The following BICD1 variants were observed in gnomAD, a reference collection of about 807,000 sequenced individuals.
The protein encoded by BICD1 is BICD cargo adaptor 1, also known as protein bicaudal D homolog 1.
In BICD1, 35 loss-of-function variants were observed where a neutral mutation model predicts 92.5. That is an observed-to-expected ratio of 0.38 (90% CI 0.29 to 0.50). The LOEUF is 0.50. BICD1 is among the 20% of genes least tolerant of loss of function. The pLI is 0.93. For synonymous variants in BICD1, 429 were observed against 465.1 expected (o/e 0.92, Z 1.00); for missense variants, 950 against 1,189.8 (o/e 0.80, Z 2.97).
chr12:32,244,496 T>G (rs1946319874), intron 2 of BICD1, among the ~76,000 whole-genome samples: 1 of 152,170 alleles, frequency 6.6e-6, no homozygotes, highest in South Asian at 2.1e-4. Context: ...TGGAGTTACC[T>G]CCAATTGCCT....
intron 8 of BICD1, among the ~76,000 whole-genome samples, chr12:32,358,813 T>C (rs1939217433): frequency 6.6e-6 from 1 of 152,172 alleles, no homozygotes; most frequent in Non-Finnish European, 1.5e-5. Context: ...ATGTATCTCA[T>C]AGAGTTTTTA....
chr12:32,203,502 T>A (rs1446338564), intron 1 of BICD1, among the ~76,000 whole-genome samples: 2 of 152,078 alleles, frequency 1.3e-5, no homozygotes, highest in Non-Finnish European at 2.9e-5. Context: ...CTAAGAAGAA[T>A]GTGTGTTTGG....
intron 1 of BICD1, among the ~76,000 whole-genome samples, chr12:32,188,059 C>T (rs1371366773): frequency 3.9e-5 from 6 of 152,112 alleles, no homozygotes; most frequent in Non-Finnish European, 2.9e-5. Flanking sequence ...CCACCTCAGC[C>T]TCCTGAATAG....
chr12:32,345,605 G>A (rs568527852), intron 8 of BICD1, among the ~76,000 whole-genome samples: 1 of 152,052 alleles, frequency 6.6e-6, no homozygotes, highest in East Asian at 1.9e-4. Flanking sequence ...TGATGTATCT[G>A]GGTTCTTCTT....
At chr12:32,202,952 A>G (rs1182545034) in intron 1 of BICD1, among the ~76,000 whole-genome samples, 1 of 152,154 alleles carries the variant, frequency 6.6e-6, no homozygotes, top group African/African-American at 2.4e-5. Context: ...GGATGATGTC[A>G]GGTACCCCTT....
At chr12:32,132,915 T>A (rs1293550605) in intron 1 of BICD1, among the ~76,000 whole-genome samples, 1 of 152,084 alleles carries the variant, frequency 6.6e-6, no homozygotes, top group African/African-American at 2.4e-5. Context: ...TGAGAGAGAA[T>A]CTACTTGAGG....
chr12:32,285,973 T>C (rs1024946368), intron 2 of BICD1, among the ~76,000 whole-genome samples: 2 of 152,150 alleles, frequency 1.3e-5, no homozygotes, highest in Non-Finnish European at 2.9e-5. Context: ...AAAGCAAGGA[T>C]TTTTAGCAAA....
chr12:32,291,188 C>T (rs1474212953), intron 2 of BICD1, among the ~76,000 whole-genome samples: 1 of 152,174 alleles, frequency 6.6e-6, no homozygotes, highest in Non-Finnish European at 1.5e-5. Context: ...TTCAAATAGA[C>T]AACTGAACAT....
chr12:32,348,723 AATATATATAT>A (rs11272207), intron 8 of BICD1, among the ~76,000 whole-genome samples: 2,161 of 116,032 alleles, frequency 0.019, 52 homozygotes, highest in Non-Finnish European at 0.026. Context: ...CTCACACAAA[AATATATATAT>A]ATATATATAT....
intron 2 of BICD1, among the ~76,000 whole-genome samples, chr12:32,266,072 C>T (rs190966742): frequency 9.2e-5 from 14 of 152,298 alleles, no homozygotes; most frequent in Admixed American, 2.6e-4. Context: ...GTGATATATA[C>T]AGACTTCCTC....
At chr12:32,276,774 T>A (rs1001343527) in intron 2 of BICD1, among the ~76,000 whole-genome samples, 3 of 152,224 alleles carry the variant, frequency 2.0e-5, no homozygotes, top group African/African-American at 7.2e-5. Context: ...TTTTAAGTGA[T>A]TTTTTAAAAA....
chr12:32,319,126 C>A (rs1255907033), intron 4 of BICD1, among the ~76,000 whole-genome samples: 1 of 152,104 alleles, frequency 6.6e-6, no homozygotes, highest in Non-Finnish European at 1.5e-5. Flanking sequence ...AATCTCAATA[C>A]CTTTTATTTG....
intron 2 of BICD1, among the ~76,000 whole-genome samples, chr12:32,267,160 A>C (rs536524167): frequency 1.3e-5 from 2 of 152,308 alleles, no homozygotes; most frequent in East Asian, 3.9e-4. Flanking sequence ...TCGAAAGATC[A>C]CACACCTGAT....
At chr12:32,212,929 C>T (rs1945259140) in intron 1 of BICD1, among the ~76,000 whole-genome samples, 1 of 152,054 alleles carries the variant, frequency 6.6e-6, no homozygotes, top group South Asian at 2.1e-4. Context: ...TTTGAAATAA[C>T]AAAACTTTCT....
Position 32,298,098 on chromosome 12 carries a change from A to G in BICD1, c.579+3952A>G, listed in dbSNP as rs1288125539. On this transcript the variant is annotated intron_variant, in intron 3 of 9. Coordinates refer to ENST00000652176, the MANE Select transcript of BICD1 (RefSeq NM_001714.4). Reference sequence around the variant, plus strand: ...CTTGGGAGGCTGAGATGGAAGGATTACTTGAGCCTGGGAGGCTGAGGCTGC... The same window carrying G: ...CTTGGGAGGCTGAGATGGAAGGATTGCTTGAGCCTGGGAGGCTGAGGCTGC... 4.0e-5 allele frequency among the ~76,000 whole-genome samples: 6 copies of G among 151,332 alleles called. No individual in the cohort carries two copies. The South Asian group carries it at 1.0e-3, about 26-fold the overall frequency.
chr12:32,274,025 C>T (rs950800988), intron 2 of BICD1, among the ~76,000 whole-genome samples: 2 of 152,198 alleles, frequency 1.3e-5, no homozygotes, highest in African/African-American at 2.4e-5. Context: ...TGAGAAAGGG[C>T]AGGCTTTATC....
At chr12:32,336,660 C>T (rs1002648373) in intron 6 of BICD1, among the ~76,000 whole-genome samples, 19 of 152,310 alleles carry the variant, frequency 1.2e-4, no homozygotes, top group Admixed American at 5.2e-4. Flanking sequence ...AAACTTGTTA[C>T]ATTCCTCCAA....
At chr12:32,207,789 T>G (rs554905123) in intron 1 of BICD1, among the ~76,000 whole-genome samples, 1 of 152,348 alleles carries the variant, frequency 6.6e-6, no homozygotes, top group East Asian at 1.9e-4. Context: ...TTGAAATTTC[T>G]CTGTGTTTGT....
At chr12:32,224,890 C>T (rs1177845958) in intron 2 of BICD1, among the ~76,000 whole-genome samples, 1 of 152,088 alleles carries the variant, frequency 6.6e-6, no homozygotes, top group Non-Finnish European at 1.5e-5. Flanking sequence ...TTAATAGAGA[C>T]GGGGTTTCAC....
Sources: gnomAD v4.1 joint callset for allele counts (sites outside exome capture counted in the v4.1 genomes callset) on GRCh38, gnomAD v4.1.1 for gene constraint, MANE v1.5 for transcripts, NCBI Gene and HGNC (gene_info 2026-07-23, HGNC 2026-07-21) for gene names.